Variants in FAM135B observed in about 807,000 individuals in gnomAD.
FAM135B encodes the protein family with sequence similarity 135 member B.
A neutral mutation model predicts 127.7 loss-of-function variants in FAM135B; 43 were observed. The ratio of observed to expected loss-of-function variants is 0.34; its 90% confidence interval spans 0.26 to 0.43. The LOEUF (loss-of-function observed/expected upper bound fraction) is 0.43. Ranked by LOEUF, FAM135B falls within the 20% of genes least tolerant of loss-of-function variation. FAM135B has a pLI of 1.00. For missense variants in FAM135B, 1,558 were observed against 1,725.6 expected, an observed-to-expected ratio of 0.90 and a Z score of 1.72; for synonymous variants, 670 against 665.1, an observed-to-expected ratio of 1.01 and a Z score of -0.11.
intron 1 of FAM135B, among the ~76,000 whole-genome samples, chr8:138,495,120 G>C (rs11991920): frequency 6.6e-6 from 1 of 152,180 alleles, no homozygotes; most frequent in South Asian, 2.1e-4. Flanking sequence ...AGATTCTTTA[G>C]AAAACAATAA....
At chr8:138,235,475 A>G (rs1040401465) in intron 7 of FAM135B, among the ~76,000 whole-genome samples, 3 of 152,232 alleles carry the variant, frequency 2.0e-5, no homozygotes, top group African/African-American at 7.2e-5. Context: ...TGTCTTACGT[A>G]TGTGACTACA....
chr8:138,371,996 C>G (rs1288857144), intron 1 of FAM135B, among the ~76,000 whole-genome samples: 1 of 152,164 alleles, frequency 6.6e-6, no homozygotes, highest in East Asian at 1.9e-4. Flanking sequence ...AAAGGGTGAT[C>G]CAGTGACAAT....
chr8:138,322,528 C>G (rs367979907), intron 2 of FAM135B, among the ~76,000 whole-genome samples: 4 of 152,160 alleles, frequency 2.6e-5, no homozygotes, highest in Non-Finnish European at 5.9e-5. Flanking sequence ...AGTGGGACAC[C>G]ATGACAGAAT....
chr8:138,444,394 G>C (rs1587469573), intron 1 of FAM135B, among the ~76,000 whole-genome samples: 1 of 152,092 alleles, frequency 6.6e-6, no homozygotes, highest in Admixed American at 6.6e-5. Flanking sequence ...TGACCACATA[G>C]TTGGAAGTAA....
chr8:138,459,595 T>C (rs140040906), intron 1 of FAM135B: 168 of 152,338 alleles, frequency 1.1e-3, no homozygotes, highest in African/African-American at 3.6e-3. Flanking sequence ...TGATGATGAA[T>C]GGTCAGTTTT....
intron 1 of FAM135B, among the ~76,000 whole-genome samples, chr8:138,386,808 T>C (rs1430902903): frequency 6.6e-6 from 1 of 152,180 alleles, no homozygotes; most frequent in Non-Finnish European, 1.5e-5. Flanking sequence ...AATGTTAATA[T>C]TAATGAAAGG....
intron 1 of FAM135B, among the ~76,000 whole-genome samples, chr8:138,474,483 C>A (rs1814279125): frequency 6.6e-6 from 1 of 152,092 alleles, no homozygotes; most frequent in Non-Finnish European, 1.5e-5. Flanking sequence ...AGTTTTATTT[C>A]TGTGTTATTC....
At chr8:138,250,712 G>C in intron 6 of FAM135B, 129 bp downstream of exon 6, 2 of 1,035,246 alleles carry the variant, frequency 1.9e-6, no homozygotes, top group Non-Finnish European at 2.8e-6. Context: ...GAGGCCCAAA[G>C]CTTAAACCTG....
intron 1 of FAM135B, among the ~76,000 whole-genome samples, chr8:138,468,799 C>G (rs1218950739): frequency 6.6e-6 from 1 of 152,198 alleles, no homozygotes; most frequent in South Asian, 2.1e-4. Flanking sequence ...AATCCCAGCA[C>G]ATTGGGAGGC....
intron 5 of FAM135B, among the ~76,000 whole-genome samples, chr8:138,255,651 C>G (rs768519602): frequency 7.2e-5 from 11 of 152,226 alleles, no homozygotes; most frequent in South Asian, 2.1e-4. Flanking sequence ...GTATCCACCC[C>G]CAAAGAGCTA....
At position 138,241,841 on chromosome 8, in the gene FAM135B, G is replaced by A. The variant is rs1820802598; in HGVS notation, c.669+1101C>T. Among the ~76,000 whole-genome samples, 1 of 152,138 alleles carries A rather than the reference G, an allele frequency of 6.6e-6. No homozygotes were observed. Among genetic ancestry groups the A allele is most frequent in the Non-Finnish European group, 1.5e-5 (1 of 68,036 alleles). ...CTGTGAGGGTATGTCTGGATGAACTGGTCAATTGAATAAAGCAGATAGCCC... is the reference window on the plus strand; with the variant it reads ...CTGTGAGGGTATGTCTGGATGAACTAGTCAATTGAATAAAGCAGATAGCCC... On this transcript the variant is annotated intron_variant, in intron 7 of 19. Coordinates refer to ENST00000395297, the MANE Select transcript of FAM135B (RefSeq NM_015912.4). The surrounding 1 kb of genome is among the most constrained non-coding windows in gnomAD (Gnocchi z 4.8).
In FAM135B at chr8:138,292,225, T is replaced by C. The variant is rs187185103; in HGVS notation, c.157+18616A>G. On this transcript the variant is annotated intron_variant, in intron 3 of 19. Transcript: ENST00000395297. Reference sequence around the variant, plus strand: ...CAAATTTAATCAAGGTGGTAAATGATCTATACACTGAAAATATAAGACACT... The same window carrying C: ...CAAATTTAATCAAGGTGGTAAATGACCTATACACTGAAAATATAAGACACT... 3.6e-3 allele frequency among the ~76,000 whole-genome samples: 554 copies of C among 152,166 alleles called. 4 individuals carry two copies. The highest frequency in any genetic ancestry group is 0.013 in the African/African-American group (525 of 41,564).
intron 1 of FAM135B, among the ~76,000 whole-genome samples, chr8:138,434,345 A>G (rs930964478): frequency 1.3e-5 from 2 of 152,232 alleles, no homozygotes; most frequent in African/African-American, 4.8e-5. Flanking sequence ...AAAGCTTACA[A>G]GAAGGTGACA....
chr8:138,183,162 TGA>T (rs1586709364), intron 9 of FAM135B, among the ~76,000 whole-genome samples: 3 of 152,206 alleles, frequency 2.0e-5, no homozygotes, highest in African/African-American at 7.2e-5. Flanking sequence ...CACTGACAAT[TGA>T]GAGTTACAAG....
chr8:138,343,847 C>T (rs1477863946), intron 2 of FAM135B, among the ~76,000 whole-genome samples: 2 of 152,244 alleles, frequency 1.3e-5, no homozygotes, highest in African/African-American at 4.8e-5. Context: ...CTGCAGTGCA[C>T]TGGTTTGGTT....
intron 13 of FAM135B, among the ~76,000 whole-genome samples, chr8:138,149,396 C>T (rs760525121): frequency 1.3e-5 from 2 of 152,122 alleles, no homozygotes; most frequent in Non-Finnish European, 2.9e-5. Flanking sequence ...CACCACTCCT[C>T]ACCACTCCCA....
At chr8:138,351,942 G>T (rs532776499) in intron 2 of FAM135B, among the ~76,000 whole-genome samples, 1 of 152,098 alleles carries the variant, frequency 6.6e-6, no homozygotes, top group South Asian at 2.1e-4. Context: ...TGTCCGCCTC[G>T]GCCTCCCAAA....
At chr8:138,240,347 G>A (rs1369268487) in intron 7 of FAM135B, among the ~76,000 whole-genome samples, 1 of 152,118 alleles carries the variant, frequency 6.6e-6, no homozygotes, top group Non-Finnish European at 1.5e-5. Flanking sequence ...TCTATCATGT[G>A]TGCCATTCCA....
At chr8:138,260,644 C>G (rs1338693068) in intron 4 of FAM135B, among the ~76,000 whole-genome samples, 1 of 152,124 alleles carries the variant, frequency 6.6e-6, no homozygotes, top group Admixed American at 6.5e-5. Flanking sequence ...CAACCTGAAC[C>G]CAGTCCTAAG....
Sources: gnomAD v4.1 joint callset for allele counts (sites outside exome capture counted in the v4.1 genomes callset) on GRCh38, gnomAD v4.1.1 for gene constraint, Gnocchi (gnomAD v3.1) non-coding constraint, MANE v1.5 for transcripts, NCBI Gene and HGNC (gene_info 2026-07-23, HGNC 2026-07-21) for gene names.